Variants in PIGZ observed in about 807,000 individuals in gnomAD.
The protein encoded by PIGZ is GPI alpha-1,2-mannosyltransferase 4.
PIGZ carries 16 observed loss-of-function variants against 16.4 expected under a neutral mutation model. The ratio of observed to expected loss-of-function variants is 0.97; its 90% CI spans 0.66 to 1.48. The LOEUF (loss-of-function observed/expected upper bound fraction) is 1.48. Ranked by LOEUF, PIGZ falls within the 40% of genes most tolerant of loss-of-function variation. The pLI, the probability that PIGZ is intolerant of heterozygous loss-of-function variation, is 0.00. For synonymous variants in PIGZ, 409 were observed against 338.4 expected, an observed-to-expected ratio of 1.21 and a Z score of -2.29; for missense variants, 770 against 739.2, an observed-to-expected ratio of 1.04 and a Z score of -0.48.
chr3:196,958,403 G>A (rs554643148), intron 1 of PIGZ, among the ~76,000 whole-genome samples: 110 of 152,326 alleles, frequency 7.2e-4, no homozygotes, highest in Non-Finnish European at 1.3e-3. Context: ...GGCTGAGGCC[G>A]GCGGATCACC....
intron 2 of PIGZ, among the ~76,000 whole-genome samples, chr3:196,949,668 T>C (rs1358186042): frequency 6.6e-6 from 1 of 152,022 alleles, no homozygotes; most frequent in Non-Finnish European, 1.5e-5. Flanking sequence ...ATTTTGAGGA[T>C]TTGTCAGGAG....
At chr3:196,951,731 G>A in intron 2 of PIGZ, 90 bp downstream of exon 2, 1 of 1,265,142 alleles carries the variant, frequency 7.9e-7, no homozygotes. Context: ...CATCTACCCA[G>A]ACATGCTACT....
chr3:196,953,802 C>T (rs1256783905), intron 1 of PIGZ, among the ~76,000 whole-genome samples: 1 of 148,110 alleles, frequency 6.8e-6, no homozygotes, highest in African/African-American at 2.6e-5. Flanking sequence ...GGAGGTCAGA[C>T]CAGCCTGGGC....
intron 1 of PIGZ, among the ~76,000 whole-genome samples, chr3:196,959,261 G>T (rs2108913232): frequency 6.6e-6 from 1 of 152,326 alleles, no homozygotes; most frequent in Admixed American, 6.5e-5. Context: ...GCCTGGGGCT[G>T]CTCCATCTCA....
chr3:196,957,611 A>G (rs1717549990), intron 1 of PIGZ, among the ~76,000 whole-genome samples: 1 of 151,942 alleles, frequency 6.6e-6, no homozygotes, highest in South Asian at 2.1e-4. Context: ...CGAACTCCTG[A>G]CCTCGTGATC....
At chr3:196,967,552 A>G (rs896005701) in intron 1 of PIGZ, among the ~76,000 whole-genome samples, 1 of 152,214 alleles carries the variant, frequency 6.6e-6, no homozygotes, top group Non-Finnish European at 1.5e-5. Context: ...CTCAGGACTA[A>G]GATCTTGTTC....
intron 1 of PIGZ, among the ~76,000 whole-genome samples, chr3:196,960,151 C>T (rs1243183298): frequency 6.6e-6 from 1 of 152,216 alleles, no homozygotes; most frequent in Non-Finnish European, 1.5e-5. Flanking sequence ...CTGACTGTTA[C>T]AGGAGTGGTC....
At chr3:196,950,402 G>T (rs1240056129) in intron 2 of PIGZ, among the ~76,000 whole-genome samples, 1 of 152,240 alleles carries the variant, frequency 6.6e-6, no homozygotes, top group Non-Finnish European at 1.5e-5. Flanking sequence ...TCTGAGGGGT[G>T]GGGGCGCGGG....
chr3:196,967,254 C>A (rs569448296), intron 1 of PIGZ, among the ~76,000 whole-genome samples: 1 of 152,160 alleles, frequency 6.6e-6, no homozygotes, highest in South Asian at 2.1e-4. Flanking sequence ...GCTTTGGGTG[C>A]CCTGTTTCTC....
chr3:196,950,116 C>A (rs1335272552), intron 2 of PIGZ, among the ~76,000 whole-genome samples: 1 of 151,844 alleles, frequency 6.6e-6, no homozygotes, highest in Non-Finnish European at 1.5e-5. Flanking sequence ...CTCCAAGTAG[C>A]TGGGACTACA....
rs745395735 is a variant in PIGZ, at chr3:196,965,259, A to G, written c.-1+3428T>C. On this transcript the variant is annotated intron_variant, in intron 1 of 2. Coordinates refer to ENST00000412723, the MANE Select transcript of PIGZ (RefSeq NM_025163.4). The surrounding 1 kb of genome is among the most constrained non-coding windows in gnomAD (Gnocchi z 4.2). Reference sequence around the variant, plus strand: ...GAAGTTTCAGGAAACTTACAGTCATAGCGGAAGGGGAAGCAGGCACCTCTT... The same window carrying G: ...GAAGTTTCAGGAAACTTACAGTCATGGCGGAAGGGGAAGCAGGCACCTCTT... Among the ~76,000 whole-genome samples the G allele has an allele frequency of 3.3e-5, 5 of 152,224 alleles. No homozygotes were observed. The highest frequency in any genetic ancestry group is 5.9e-5 in the Non-Finnish European group (4 of 68,028).
rs1336465374 is a variant in PIGZ at position 196,947,409 on chromosome 3, G to T, written c.1488C>A (p.Cys496Ter). The T allele has an allele frequency of 3.1e-6, 5 of 1,613,810 alleles. No homozygotes were observed. The highest frequency in any genetic ancestry group is 4.2e-6 in the Non-Finnish European group (5 of 1,180,032). The change falls in exon 3 of 3, where the codon TGC becomes TGA. Residue 496 changes from cysteine to a stop codon, truncating the protein, a stop_gained. Coordinates refer to ENST00000412723, the MANE Select transcript of PIGZ (RefSeq NM_025163.4). LOFTEE classifies it high-confidence loss of function. Reference protein sequence around the residue: ...DMGGTEDWALCQTLKSFTRQP... With the variant: ...DMGGTEDWAL ...GTCTGGTGAAGCTTTTCAGGGTTTG[G>T]CACAGGGCCCAGTCCTCAGTCCCCC...
chr3:196,947,246 C>G lies in PIGZ; in HGVS notation c.1651G>C (p.Glu551Gln). The change falls in exon 3 of 3, where the codon GAG becomes CAG. Residue 551 changes from glutamate to glutamine, a missense_variant. Coordinates refer to ENST00000412723, the MANE Select transcript of PIGZ (RefSeq NM_025163.4). ...ETLLFPHLTL[E>Q]DPPALSSLLS... ...AAGGAGGACAGGGCTGGTGGATCCT[C>G]CAGGGTCAGATGGGGAAATAAAAGT... The G allele has an allele frequency of 6.2e-7, 1 of 1,612,818 alleles. No individual in the cohort carries two copies. Among genetic ancestry groups the G allele is most frequent in the Non-Finnish European group, 8.5e-7 (1 of 1,179,348 alleles).
intron 1 of PIGZ, among the ~76,000 whole-genome samples, chr3:196,960,159 G>T (rs1717652848): frequency 6.6e-6 from 1 of 152,178 alleles, no homozygotes; most frequent in Non-Finnish European, 1.5e-5. Flanking sequence ...TACAGGAGTG[G>T]TCGCTCCTTT....
In PIGZ at chr3:196,967,593, G is replaced by T. The variant is rs114637574; in HGVS notation, c.-1+1094C>A. On this transcript the variant is annotated intron_variant, in intron 1 of 2. Coordinates refer to ENST00000412723, the MANE Select transcript of PIGZ (RefSeq NM_025163.4). ...CTCCAGTCCTCGGGGTCTACTCCAG[G>T]GGTACAAGGTGAGAGTGGCTCTCCA... Among the ~76,000 whole-genome samples, 813 of 152,256 alleles carry T rather than the reference G, an allele frequency of 5.3e-3. 10 individuals are homozygous for T. The highest frequency in any genetic ancestry group is 0.019 in the African/African-American group (777 of 41,550).
chr3:196,967,204 G>A (rs1017105032), intron 1 of PIGZ, among the ~76,000 whole-genome samples: 1 of 152,126 alleles, frequency 6.6e-6, no homozygotes, highest in African/African-American at 2.4e-5. Flanking sequence ...CGGGTGATGG[G>A]GACACGTGTC....
In PIGZ at chr3:196,947,896, A is replaced by T. The variant is rs531170536; in HGVS notation, c.1001T>A (p.Leu334Gln). ...TTGCAGCCGTTGCCACGCAGCCTGC[A>T]GGGCCTGGGCATGCAGCACCCCGAA... ...LLFGVLHAQA[L>Q]QAAWQRLQVG... The change falls in exon 3 of 3, where the codon CTG becomes CAG. Residue 334 changes from leucine to glutamine, a missense_variant. By Grantham distance (113) the Leu-to-Gln change is moderately radical. Coordinates refer to ENST00000412723, the MANE Select transcript of PIGZ (RefSeq NM_025163.4). 10 of 1,614,016 alleles carry T rather than the reference A, an allele frequency of 6.2e-6. 1 individual carries two copies. In the Admixed American group the frequency reaches 1.5e-4, roughly 24 times the overall value.
intron 1 of PIGZ, among the ~76,000 whole-genome samples, chr3:196,958,905 G>A (rs535603342): frequency 6.6e-6 from 1 of 152,086 alleles, no homozygotes; most frequent in Non-Finnish European, 1.5e-5. Flanking sequence ...GGGGAGGGGG[G>A]CAGGAAACAT....
Position 196,947,526 on chromosome 3 carries a change from G to A in PIGZ, c.1371C>T (p.His457=). 2 of 1,613,744 alleles carry A rather than the reference G, an allele frequency of 1.2e-6. No individual in the cohort carries two copies. Among genetic ancestry groups the A allele is most frequent in the East Asian group, 2.2e-5 (1 of 44,888 alleles). Residue 457 remains histidine, a synonymous_variant, in exon 3 of 3, where the codon CAC becomes CAT. Coordinates refer to ENST00000412723, the MANE Select transcript of PIGZ (RefSeq NM_025163.4). ...AGGTGTGAGTGAAGAGGAGTGTGTA[G>A]TGGGTGGGTGTGCTTGGGAGCACAG... The part of the protein sequence containing the change: ...HAPVLPSTPT[H]YTLLFTHTYM...
Sources: allele counts gnomAD v4.1 joint callset (sites outside exome capture counted in the v4.1 genomes callset), GRCh38; gene constraint gnomAD v4.1.1; non-coding constraint Gnocchi (gnomAD v3.1); transcripts MANE v1.5; gene names NCBI Gene and HGNC (gene_info 2026-07-23, HGNC 2026-07-21).